EPHB1: variants seen among roughly 807,000 people sequenced by gnomAD.
The protein encoded by EPHB1 is EPH receptor B1.
Under a neutral mutation model 94.4 loss-of-function variants are expected in EPHB1, and 30 were observed. The ratio of observed to expected loss-of-function variants is 0.32; its 90% CI spans 0.24 to 0.43. The LOEUF is 0.43. EPHB1 is among the 20% of genes least tolerant of loss of function. The probability of loss-of-function intolerance (pLI) is 1.00; values close to 1 mark genes in which losing one functional copy is unlikely to be tolerated. For synonymous variants in EPHB1, 522 were observed against 489.1 expected (o/e 1.07, Z -0.89); for missense variants, 1,055 against 1,308.3 (o/e 0.81, Z 2.99).
chr3:134,984,926 A>C (rs1207639028), intron 3 of EPHB1, among the ~76,000 whole-genome samples: 2 of 152,124 alleles, frequency 1.3e-5, no homozygotes, highest in Non-Finnish European at 2.9e-5. Flanking sequence ...GTCACAGTCC[A>C]CTTCATGGCT....
intron 2 of EPHB1, among the ~76,000 whole-genome samples, chr3:134,946,431 C>A (rs2039218805): frequency 6.6e-6 from 1 of 152,220 alleles, no homozygotes; most frequent in Admixed American, 6.5e-5. Context: ...GGCCACTTTT[C>A]CTATCATGAG....
intron 1 of EPHB1, among the ~76,000 whole-genome samples, chr3:134,905,834 T>C (rs2038312888): frequency 1.3e-5 from 2 of 152,178 alleles, no homozygotes; most frequent in Non-Finnish European, 2.9e-5. Flanking sequence ...TCCCAGGCAG[T>C]CCTTGGACTG....
intron 1 of EPHB1, among the ~76,000 whole-genome samples, chr3:134,803,038 A>G (rs2035963668): frequency 6.6e-6 from 1 of 152,124 alleles, no homozygotes; most frequent in Non-Finnish European, 1.5e-5. Context: ...GTCAGGTGAA[A>G]TCCCAGCACC....
At chr3:134,979,423 T>C (rs39698) in intron 3 of EPHB1, among the ~76,000 whole-genome samples, 95,894 of 152,012 alleles carry the variant, frequency 0.63, 32,068 homozygotes, top group African/African-American at 0.83. Flanking sequence ...TGTGTAAAAG[T>C]CACTCCATTC....
chr3:135,169,927 G>C (rs145583309), intron 9 of EPHB1, among the ~76,000 whole-genome samples: 2,235 of 152,326 alleles, frequency 0.015, 21 homozygotes, highest in Middle Eastern at 0.031. Flanking sequence ...TGTCTAAGTT[G>C]GTGTTTTGTG....
chr3:134,993,107 G>C (rs1340728761), intron 3 of EPHB1, among the ~76,000 whole-genome samples: 1 of 152,184 alleles, frequency 6.6e-6, no homozygotes, highest in African/African-American at 2.4e-5. Flanking sequence ...TGGTTGGAAG[G>C]GGTCCTGTTC....
In EPHB1 at chr3:135,132,922, C is replaced by A. The variant is rs778438458; in HGVS notation, c.1170C>A (p.Arg390=). 1.2e-6 allele frequency: 2 copies of A among 1,613,904 alleles called. No homozygotes were observed. The highest frequency in any genetic ancestry group is 2.7e-5 in the African/African-American group (2 of 74,938). The part of the protein sequence containing the change: ...VPRQLGLTEC[R]VSISSLWAHT... ...GGCAGCTGGGCCTGACGGAGTGCCG[C>A]GTCTCCATCAGCAGCCTGTGGGCCC... Residue 390 remains arginine, a synonymous_variant, in exon 5 of 16, where the codon CGC becomes CGA. Coordinates refer to ENST00000398015, the MANE Select transcript of EPHB1 (RefSeq NM_004441.5).
intron 12 of EPHB1, among the ~76,000 whole-genome samples, chr3:135,210,594 G>A (rs1474111410): frequency 6.6e-6 from 1 of 152,180 alleles, no homozygotes; most frequent in African/African-American, 2.4e-5. Flanking sequence ...AGTCAATTAA[G>A]AAATAAGAAT....
At chr3:135,091,981 A>G (rs1158640804) in intron 3 of EPHB1, among the ~76,000 whole-genome samples, 2 of 152,174 alleles carry the variant, frequency 1.3e-5, no homozygotes, top group Non-Finnish European at 2.9e-5. Flanking sequence ...ACTTGGTTAT[A>G]AATTTTTTTT....
At chr3:135,021,104 G>T (rs531896035) in intron 3 of EPHB1, among the ~76,000 whole-genome samples, 1 of 152,108 alleles carries the variant, frequency 6.6e-6, no homozygotes, top group Admixed American at 6.5e-5. Context: ...CTACATCCTG[G>T]TTAGACAAGT....
At chr3:134,834,607 T>G (rs1384421948) in intron 1 of EPHB1, among the ~76,000 whole-genome samples, 3 of 152,168 alleles carry the variant, frequency 2.0e-5, no homozygotes, top group African/African-American at 7.2e-5. Flanking sequence ...CTTTTTATGT[T>G]CAGGACATGG....
intron 1 of EPHB1, among the ~76,000 whole-genome samples, chr3:134,881,235 G>A (rs541031548): frequency 2.2e-4 from 33 of 152,274 alleles, no homozygotes; most frequent in Admixed American, 1.9e-3. Context: ...AGGCTCCAAA[G>A]GCTCTGTGGG....
At chr3:134,923,453 C>T (rs998524443) in intron 1 of EPHB1, among the ~76,000 whole-genome samples, 2 of 152,144 alleles carry the variant, frequency 1.3e-5, no homozygotes, top group African/African-American at 2.4e-5. Context: ...ACTGGGTGCT[C>T]CCAGGTCCCC....
intron 3 of EPHB1, among the ~76,000 whole-genome samples, chr3:135,055,129 A>G (rs1475674124): frequency 5.9e-5 from 9 of 152,242 alleles, no homozygotes; most frequent in Non-Finnish European, 1.0e-4. Context: ...TAAAAAAATC[A>G]AGAACCTTAT....
In EPHB1 at chr3:135,076,388, TAGTC is replaced by T. The variant is rs554741063; in HGVS notation, c.806-30056_806-30053del. On this transcript the variant is annotated intron_variant, in intron 3 of 15. Transcript: ENST00000398015. ...CACATGAAAATATGCCCAACATCAT[TAGTC>T]AGTAAGGAAATGCAAATTAAAAACA... 7.4e-3 allele frequency among the ~76,000 whole-genome samples: 1,131 copies of T among 152,160 alleles called. 5 individuals carry two copies. The highest frequency in any genetic ancestry group is 0.012 in the Non-Finnish European group (829 of 68,020).
intron 3 of EPHB1, among the ~76,000 whole-genome samples, chr3:135,060,114 C>T (rs1937453265): frequency 6.6e-6 from 1 of 152,216 alleles, no homozygotes; most frequent in Non-Finnish European, 1.5e-5. Flanking sequence ...GCAATCATTA[C>T]CGTGATCTTA....
intron 11 of EPHB1, among the ~76,000 whole-genome samples, chr3:135,196,293 G>C (rs1030535955): frequency 2.6e-5 from 4 of 152,008 alleles, no homozygotes; most frequent in African/African-American, 7.3e-5. Flanking sequence ...GTTGCCTAGG[G>C]CCTGTTTTCA....
At chr3:135,089,283 C>T (rs1229995884) in intron 3 of EPHB1, among the ~76,000 whole-genome samples, 1 of 152,204 alleles carries the variant, frequency 6.6e-6, no homozygotes, top group African/African-American at 2.4e-5. Context: ...GAACAAGCTA[C>T]TGGACTTATT....
intron 12 of EPHB1, among the ~76,000 whole-genome samples, chr3:135,233,024 C>T (rs6768459): frequency 0.65 from 99,547 of 152,040 alleles, 33,796 homozygotes; most frequent in Middle Eastern, 0.77. Context: ...AGGTGAGATT[C>T]GGGTGGGGAG....
Sources: allele counts gnomAD v4.1 joint callset (sites outside exome capture counted in the v4.1 genomes callset), GRCh38; gene constraint gnomAD v4.1.1; transcripts MANE v1.5; gene names NCBI Gene and HGNC (gene_info 2026-07-23, HGNC 2026-07-21).